Variants in CREB5 observed in about 807,000 individuals in gnomAD.
CREB5 encodes cyclic AMP-responsive element-binding protein 5.
A neutral mutation model predicts 57.1 loss-of-function variants in CREB5; 19 were observed. The ratio of observed to expected loss-of-function variants is 0.33; its 90% CI spans 0.23 to 0.49. CREB5 has a LOEUF of 0.49. Among genes scored for constraint, CREB5 ranks in the 20% least tolerant of loss-of-function variants. CREB5 has a pLI of 0.99. For missense variants in CREB5, 579 were observed against 671.6 expected, an observed-to-expected ratio of 0.86 and a Z score of 1.52; for synonymous variants, 238 against 238.3, an observed-to-expected ratio of 1.00 and a Z score of 0.01.
At chr7:28,667,343 C>T (rs1443742162) in intron 5 of CREB5, among the ~76,000 whole-genome samples, 3 of 150,996 alleles carry the variant, frequency 2.0e-5, no homozygotes, top group African/African-American at 7.3e-5. Flanking sequence ...AATTAAAATG[C>T]TATGTGACCC....
At chr7:28,775,081 G>A (rs530020636) in intron 7 of CREB5, among the ~76,000 whole-genome samples, 3 of 152,266 alleles carry the variant, frequency 2.0e-5, no homozygotes, top group African/African-American at 4.8e-5. Context: ...GAAAATTTCC[G>A]TGTCCTTTGA....
intron 1 of CREB5, among the ~76,000 whole-genome samples, chr7:28,347,238 G>A (rs565241201): frequency 9.2e-5 from 14 of 152,290 alleles, no homozygotes; most frequent in Non-Finnish European, 2.1e-4. Flanking sequence ...TGATATTAAT[G>A]TTTGATTGTG....
At chr7:28,435,117 A>G (rs1458696387) in intron 1 of CREB5, among the ~76,000 whole-genome samples, 1 of 123,440 alleles carries the variant, frequency 8.1e-6, no homozygotes, top group Non-Finnish European at 1.7e-5. Context: ...TTCCTCCCTC[A>G]CTCAACCTAT....
intron 1 of CREB5, among the ~76,000 whole-genome samples, chr7:28,336,750 T>C (rs1785830330): frequency 6.6e-6 from 1 of 152,090 alleles, no homozygotes; most frequent in South Asian, 2.1e-4. Context: ...TTTGATTTGC[T>C]CTTGCTTTTC....
intron 5 of CREB5, among the ~76,000 whole-genome samples, chr7:28,685,792 C>T (rs1445312099): frequency 6.6e-6 from 1 of 151,888 alleles, no homozygotes; most frequent in African/African-American, 2.4e-5. Context: ...TCCCCAGCGG[C>T]ACTGTTTCCC....
At chr7:28,409,881 T>A, upstream of CREB5, 1 of 454,700 alleles carries the variant, frequency 2.2e-6, no homozygotes, top group South Asian at 1.6e-5. This position sits in a 1 kb window ranked among gnomAD's most constrained non-coding sequence, Gnocchi z 4.4. Flanking sequence ...ATCGGGGGTG[T>A]GTGTTTGCCT....
rs373664679 is a variant in CREB5, at chr7:28,718,725, T to A, written c.465-28T>A. The stretch of plus-strand genomic sequence containing the variant: ...GACAGGGCCAGGGCACCAGGAATCA[T>A]GTTTGTTTGTTTTTTTCTTTGTCCC... On this transcript the variant is annotated intron_variant, in intron 5 of 10. Coordinates refer to ENST00000357727, the MANE Select transcript of CREB5 (RefSeq NM_182898.4). 1.1e-4 allele frequency: 172 copies of A among 1,611,232 alleles called. 1 individual carries two copies. The African/African-American group carries it at 1.9e-3, about 18-fold the overall frequency.
intron 1 of CREB5, among the ~76,000 whole-genome samples, chr7:28,353,114 G>A (rs1387035410): frequency 2.0e-5 from 3 of 151,338 alleles, no homozygotes; most frequent in Non-Finnish European, 4.4e-5. Flanking sequence ...TGTTTTTTGA[G>A]AGTCTTGCTC....
intron 5 of CREB5, among the ~76,000 whole-genome samples, chr7:28,689,203 G>T (rs945483508): frequency 6.6e-6 from 1 of 152,114 alleles, no homozygotes; most frequent in Admixed American, 6.5e-5. Context: ...AGGGCCGAGC[G>T]CAGTGGCTCA....
chr7:28,345,881 GTGGCA>G, intron 1 of CREB5, among the ~76,000 whole-genome samples: 1 of 152,224 alleles, frequency 6.6e-6, no homozygotes, highest in Non-Finnish European at 1.5e-5. Context: ...ATGAGGGTGG[GTGGCA>G]TGGCAGGGGC....
At chr7:28,570,637 T>C in intron 5 of CREB5, 100 bp downstream of exon 5, 1 of 1,359,660 alleles carries the variant, frequency 7.4e-7, no homozygotes, top group Non-Finnish European at 1.0e-6. Flanking sequence ...TTGGTTTTTC[T>C]GGCTGTCATG....
intron 4 of CREB5, among the ~76,000 whole-genome samples, chr7:28,560,897 C>CGCGTGTGCGTGCGTGTGTGTGCGTGTGT (rs1554344445): frequency 4.4e-5 from 1 of 22,526 alleles, no homozygotes; most frequent in Non-Finnish European, 9.2e-5. Context: ...CGTGTGTGTG[C>CGCGTGTGCGTGCGTGTGTGTGCGTGTGT]GTGCGCGCGT....
chr7:28,664,708 C>A (rs1357648125), intron 5 of CREB5, among the ~76,000 whole-genome samples: 1 of 152,118 alleles, frequency 6.6e-6, no homozygotes, highest in African/African-American at 2.4e-5. Context: ...CAAAGATTCA[C>A]CAAGATTCAT....
chr7:28,740,250 T>C (rs935565263), intron 7 of CREB5, among the ~76,000 whole-genome samples: 2 of 152,138 alleles, frequency 1.3e-5, no homozygotes, highest in African/African-American at 4.8e-5. Context: ...CTAGATAAAT[T>C]TATGAATTTT....
chr7:28,492,247 G>A (rs1289733188), intron 2 of CREB5, among the ~76,000 whole-genome samples: 2 of 152,146 alleles, frequency 1.3e-5, no homozygotes, highest in Admixed American at 1.3e-4. Flanking sequence ...TGATCCATCC[G>A]CCTCGGCTTC....
intron 9 of CREB5, among the ~76,000 whole-genome samples, chr7:28,816,556 T>G (rs901373132): frequency 4.4e-5 from 6 of 135,858 alleles, no homozygotes; most frequent in East Asian, 2.0e-4. Context: ...GAGATTTTTA[T>G]TATTTTGTCA....
At chr7:28,450,035 C>T (rs1029832024) in intron 1 of CREB5, among the ~76,000 whole-genome samples, 2 of 152,224 alleles carry the variant, frequency 1.3e-5, no homozygotes, top group Admixed American at 1.3e-4. Flanking sequence ...TTTGGACCAC[C>T]GGAATGAAAT....
intron 7 of CREB5, among the ~76,000 whole-genome samples, chr7:28,726,297 C>T (rs1233704103): frequency 6.6e-6 from 1 of 152,026 alleles, no homozygotes; most frequent in Non-Finnish European, 1.5e-5. Context: ...CTGTTATTGC[C>T]AATACATCAA....
At chr7:28,544,256 C>T (rs943001153) in intron 4 of CREB5, among the ~76,000 whole-genome samples, 15 of 152,174 alleles carry the variant, frequency 9.9e-5, no homozygotes, top group East Asian at 3.9e-4. Context: ...GGCACATGGC[C>T]GGGGCTTTGT....
Sources: gnomAD v4.1 joint callset for allele counts (sites outside exome capture counted in the v4.1 genomes callset) on GRCh38, gnomAD v4.1.1 for gene constraint, Gnocchi (gnomAD v3.1) non-coding constraint, MANE v1.5 for transcripts, NCBI Gene and HGNC (gene_info 2026-07-23, HGNC 2026-07-21) for gene names.